Variants in DAD1 observed in about 807,000 individuals in gnomAD.
The protein encoded by DAD1 is dolichyl-diphosphooligosaccharide--protein glycosyltransferase subunit DAD1.
DAD1 carries 4 observed loss-of-function variants against 9.0 expected under a neutral mutation model. The ratio of observed to expected loss-of-function variants is 0.44; its 90% CI spans 0.22 to 1.01. DAD1 has a LOEUF of 1.01. Ranked by LOEUF, DAD1 falls within the 50% of genes least tolerant of loss-of-function variation. The pLI is 0.24. For missense variants in DAD1, 119 were observed against 137.3 expected (o/e 0.87, Z 0.67); for synonymous variants, 60 against 62.5 (o/e 0.96, Z 0.19).
intron 2 of DAD1, among the ~76,000 whole-genome samples, chr14:22,572,221 C>T (rs1166054290): frequency 6.6e-6 from 1 of 151,880 alleles, no homozygotes; most frequent in Non-Finnish European, 1.5e-5. Context: ...TAATATCAAA[C>T]TCTCAACTTA....
rs182508058 is a variant in DAD1, at chr14:22,583,382, T to G, written c.211+5565A>C. ...AGAGTGTTGTATTCAAGAAAAAACT[T>G]TCCTTTTACACAGAAGCCAATACCT... is the stretch of plus-strand genomic sequence containing the variant. On this transcript the variant is annotated intron_variant, in intron 1 of 2. Coordinates refer to ENST00000250498, the MANE Select transcript of DAD1 (RefSeq NM_001344.4). Among the ~76,000 whole-genome samples, 247 of 150,806 alleles carry G rather than the reference T, an allele frequency of 1.6e-3. 9 individuals carry two copies. The East Asian group carries it at 0.041, about 25-fold the overall frequency.
At chr14:22,571,625 C>CTTTTTT (rs869205395) in intron 2 of DAD1, among the ~76,000 whole-genome samples, 1 of 109,828 alleles carries the variant, frequency 9.1e-6, no homozygotes, top group Non-Finnish European at 1.8e-5. Context: ...GCAAGGGGCT[C>CTTTTTT]TTTTTTTTTT....
intron 1 of DAD1, among the ~76,000 whole-genome samples, chr14:22,584,343 C>T (rs778090355): frequency 6.6e-6 from 1 of 152,064 alleles, no homozygotes; most frequent in African/African-American, 2.4e-5. Flanking sequence ...TGCCATATCT[C>T]TCTCACACAC....
chr14:22,580,263 T>C (rs1025714958), intron 1 of DAD1, among the ~76,000 whole-genome samples: 1 of 150,372 alleles, frequency 6.7e-6, no homozygotes, highest in Non-Finnish European at 1.5e-5. Context: ...ACAAAAAAAA[T>C]GTTTTAATTA....
At chr14:22,568,322 A>G (rs2037014841) in intron 2 of DAD1, among the ~76,000 whole-genome samples, 1 of 152,252 alleles carries the variant, frequency 6.6e-6, no homozygotes, top group African/African-American at 2.4e-5. Flanking sequence ...TAACGTGGGA[A>G]CTAGAAGACA....
intron 1 of DAD1, among the ~76,000 whole-genome samples, chr14:22,579,532 C>G (rs1259421498): frequency 1.3e-5 from 2 of 152,154 alleles, no homozygotes; most frequent in African/African-American, 4.8e-5. Context: ...GCAAGGGTAA[C>G]CAGTGTAAAC....
intron 1 of DAD1, among the ~76,000 whole-genome samples, chr14:22,582,666 A>C (rs1018530870): frequency 6.6e-6 from 1 of 152,214 alleles, no homozygotes; most frequent in Non-Finnish European, 1.5e-5. Flanking sequence ...CAGATGCAGG[A>C]GATAAGAGAA....
intron 1 of DAD1, among the ~76,000 whole-genome samples, chr14:22,575,518 CAAGT>C (rs552917068): frequency 3.3e-4 from 50 of 151,892 alleles, no homozygotes; most frequent in African/African-American, 1.2e-3. Flanking sequence ...ATGAATTGCA[CAAGT>C]AAGTTGGGCA....
At chr14:22,569,715 TTC>T (rs2037025570) in intron 2 of DAD1, among the ~76,000 whole-genome samples, 1 of 152,234 alleles carries the variant, frequency 6.6e-6, no homozygotes, top group African/African-American at 2.4e-5. Flanking sequence ...TATTTCGATA[TTC>T]TTTTTTCTTT....
chr14:22,587,896 T>A (rs1405025952), intron 1 of DAD1, among the ~76,000 whole-genome samples: 1 of 152,124 alleles, frequency 6.6e-6, no homozygotes, highest in African/African-American at 2.4e-5. Flanking sequence ...CCACCATGCC[T>A]GGCTAATTTA....
At chr14:22,586,375 G>A (rs972545759) in intron 1 of DAD1, among the ~76,000 whole-genome samples, 1 of 150,784 alleles carries the variant, frequency 6.6e-6, no homozygotes, top group Non-Finnish European at 1.5e-5. Flanking sequence ...GAGAAACTCC[G>A]TCTCCACTAA....
intron 1 of DAD1, among the ~76,000 whole-genome samples, chr14:22,582,875 G>A (rs1408216733): frequency 6.6e-6 from 1 of 151,900 alleles, no homozygotes; most frequent in Non-Finnish European, 1.5e-5. Flanking sequence ...GCATGGGGGA[G>A]CGTGCCTGTA....
At chr14:22,583,604 G>A (rs759602580) in intron 1 of DAD1, among the ~76,000 whole-genome samples, 12 of 152,064 alleles carry the variant, frequency 7.9e-5, no homozygotes, top group Non-Finnish European at 7.3e-5. Context: ...GATTATCTGT[G>A]GTCAAACGGA....
chr14:22,569,232 A>G (rs1393627475), intron 2 of DAD1, among the ~76,000 whole-genome samples: 1 of 152,174 alleles, frequency 6.6e-6, no homozygotes, highest in African/African-American at 2.4e-5. Context: ...CAAAAGATAG[A>G]GACCATACTG....
intron 1 of DAD1, among the ~76,000 whole-genome samples, chr14:22,585,774 A>G (rs1024039359): frequency 3.3e-5 from 5 of 152,222 alleles, no homozygotes. Flanking sequence ...ATTTCCAAAG[A>G]GCATATGCTA....
intron 1 of DAD1, among the ~76,000 whole-genome samples, chr14:22,577,432 C>CTGGGAGGT: frequency 6.6e-6 from 1 of 152,264 alleles, no homozygotes; most frequent in South Asian, 2.1e-4. Context: ...GAAACTCCAT[C>CTGGGAGGT]TGGGAGGTTG....
At chr14:22,582,816 G>A (rs538237533) in intron 1 of DAD1, among the ~76,000 whole-genome samples, 39 of 152,146 alleles carry the variant, frequency 2.6e-4, no homozygotes, top group Middle Eastern at 3.4e-3. Flanking sequence ...GACCAGCCTG[G>A]CCAACATGGC....
Position 22,589,134 on chromosome 14 carries a change from G to T in DAD1, c.24C>A (p.Val8=). 1 of 1,614,200 alleles carries T rather than the reference G, an allele frequency of 6.2e-7. No individual in the cohort carries two copies. Among genetic ancestry groups the T allele is most frequent in the South Asian group, 1.1e-5 (1 of 91,072 alleles). The change falls in exon 1 of 3, where the codon GTC becomes GTA. Residue 8 remains valine (V), a synonymous_variant. Coordinates refer to ENST00000250498, the MANE Select transcript of DAD1 (RefSeq NM_001344.4). MSASVVS[V]ISRFLEEYLS... Reference sequence around the variant, plus strand: ...AGTACTCTTCTAAGAACCGCGAAATGACAGACACTACCGACGCCGACATAA... The same window carrying T: ...AGTACTCTTCTAAGAACCGCGAAATTACAGACACTACCGACGCCGACATAA...
intron 1 of DAD1, among the ~76,000 whole-genome samples, chr14:22,581,481 C>T (rs1321296050): frequency 1.3e-5 from 2 of 152,078 alleles, no homozygotes; most frequent in Non-Finnish European, 2.9e-5. Context: ...GTGGCTCACA[C>T]CCGTAATCCC....
Sources: allele counts gnomAD v4.1 joint callset (sites outside exome capture counted in the v4.1 genomes callset), GRCh38; gene constraint gnomAD v4.1.1; transcripts MANE v1.5; gene names NCBI Gene and HGNC (gene_info 2026-07-23, HGNC 2026-07-21).